The following PPM1A variants were observed in gnomAD, a reference collection of about 807,000 sequenced individuals.
The protein encoded by PPM1A is protein phosphatase 1A.
PPM1A carries 7 observed loss-of-function variants against 35.0 expected under a neutral mutation model. The observed-to-expected ratio is 0.20, with a 90% confidence interval of 0.11 to 0.38. PPM1A has a LOEUF of 0.38. Ranked by LOEUF, PPM1A falls within the 10% of genes least tolerant of loss-of-function variation. The pLI is 1.00. For missense variants in PPM1A, 239 were observed against 467.8 expected (o/e 0.51, Z 4.51); for synonymous variants, 153 against 167.3 (o/e 0.91, Z 0.66).
Position 60,282,085 on chromosome 14 carries a change from C to T in PPM1A, c.-20-599C>T, listed in dbSNP as rs1411614146. The stretch of plus-strand genomic sequence containing the variant: ...AGGTAGACTTAAAAGGATAGGTATA[C>T]TTTTTTCTATAAATAGGATGAGGCA... On this transcript the variant is annotated intron_variant, in intron 1 of 5. Coordinates refer to ENST00000395076, the MANE Select transcript of PPM1A (RefSeq NM_021003.5). This position sits in a 1 kb window ranked among gnomAD's most constrained non-coding sequence, Gnocchi z 5.1. Among the ~76,000 whole-genome samples the T allele has an allele frequency of 6.6e-6, 1 of 152,258 alleles. No homozygotes were observed. The highest frequency in any genetic ancestry group is 1.9e-4 in the East Asian group (1 of 5,190).
intron 1 of PPM1A, among the ~76,000 whole-genome samples, chr14:60,257,077 A>T (rs1436084404): frequency 6.6e-6 from 1 of 152,232 alleles, no homozygotes; most frequent in Non-Finnish European, 1.5e-5. Flanking sequence ...TTAAAAAAGC[A>T]TAAGATATGG....
rs1882040316 is a variant in PPM1A, at chr14:60,249,374, C to A, written c.-324C>A. The A allele has an allele frequency of 3.0e-6, 3 of 984,186 alleles. No individual in the cohort carries two copies. Among genetic ancestry groups the A allele is most frequent in the East Asian group, 1.1e-4 (1 of 8,738 alleles). 61.0% of individuals were successfully genotyped at this position (984,186 alleles called of 1,614,324 possible). A position where few individuals can be genotyped will look rare whatever the true frequency, so the allele number is the denominator to read the frequency against. ...GGTTGGGGAGGGGGGGGTGGGGGGA[C>A]TCTAGACAGCTGAGGCGCGAAAGCG... On this transcript the variant is annotated 5_prime_UTR_variant, in exon 1 of 6. Coordinates refer to ENST00000395076, the MANE Select transcript of PPM1A (RefSeq NM_021003.5). The surrounding 1 kb of genome is among the most constrained non-coding windows in gnomAD (Gnocchi z 4.5).
chr14:60,274,926 A>G (rs964347866), intron 1 of PPM1A, among the ~76,000 whole-genome samples: 3 of 151,652 alleles, frequency 2.0e-5, no homozygotes, highest in African/African-American at 7.3e-5. Flanking sequence ...AAGTCATCTT[A>G]TTTTTCTCTG....
At chr14:60,250,255 AT>A (rs1882225686) in intron 1 of PPM1A, 1 of 169,514 alleles carries the variant, frequency 5.9e-6, no homozygotes, top group African/African-American at 2.4e-5. Context: ...TAGTTCATTC[AT>A]TATTAAGGCA....
chr14:60,260,156 C>T (rs1208169879), intron 1 of PPM1A, among the ~76,000 whole-genome samples: 2 of 151,974 alleles, frequency 1.3e-5, no homozygotes, highest in Non-Finnish European at 1.5e-5. Context: ...AAGAGCTTTA[C>T]CCGACTTACT....
Position 60,272,200 on chromosome 14 carries a change from G to A in PPM1A, c.-20-10484G>A, listed in dbSNP as rs527694308. Among the ~76,000 whole-genome samples the A allele has an allele frequency of 3.9e-5, 6 of 152,124 alleles. No homozygotes were observed. In the South Asian group the frequency reaches 1.2e-3, roughly 32 times the overall value. On this transcript the variant is annotated intron_variant, in intron 1 of 5. Coordinates refer to ENST00000395076, the MANE Select transcript of PPM1A (RefSeq NM_021003.5). ...AGATGTGTTATTTTTACAGATTCAG[G>A]TTACTTCTTTTTTTAAATCATGTTA...
intron 5 of PPM1A, among the ~76,000 whole-genome samples, chr14:60,291,881 A>G (rs1887674235): frequency 6.6e-6 from 1 of 152,006 alleles, no homozygotes; most frequent in Non-Finnish European, 1.5e-5. Context: ...ATGGTTGGAA[A>G]TACCTTTGTC....
At chr14:60,250,074 G>T (rs1314443754) in intron 1 of PPM1A, among the ~76,000 whole-genome samples, 1 of 151,864 alleles carries the variant, frequency 6.6e-6, no homozygotes, top group Non-Finnish European at 1.5e-5. Context: ...CCACCCGCTC[G>T]GGCGCGCCGC....
chr14:60,279,949 G>C (rs1451633108), intron 1 of PPM1A, among the ~76,000 whole-genome samples: 2 of 151,986 alleles, frequency 1.3e-5, no homozygotes, highest in African/African-American at 4.8e-5. Context: ...TTTGTGCACT[G>C]TATACATTAT....
rs190495692 is a variant in PPM1A at position 60,279,784 on chromosome 14, A to G, written c.-20-2900A>G. 5.8e-4 allele frequency among the ~76,000 whole-genome samples: 88 copies of G among 152,348 alleles called. No individual in the cohort carries two copies. In the South Asian group the frequency reaches 8.1e-3, roughly 14 times the overall value. ...GTGTTTAAAGTGTCTTTTAAAATAT[A>G]TCACATAGAAGTTTAATTTAATGGT... is the stretch of plus-strand genomic sequence containing the variant. On this transcript the variant is annotated intron_variant, in intron 1 of 5. Coordinates refer to ENST00000395076, the MANE Select transcript of PPM1A (RefSeq NM_021003.5).
Position 60,282,966 on chromosome 14 carries a change from C to G in PPM1A, c.263C>G (p.Ser88Cys). The change falls in exon 2 of 6, where the codon TCT (serine) becomes TGT (cysteine). Residue 88 changes from serine (S) to cysteine (C), a missense_variant. Physicochemically the swap from Ser to Cys is moderately radical, Grantham distance 112. Coordinates refer to ENST00000395076, the MANE Select transcript of PPM1A (RefSeq NM_021003.5). The surrounding 1 kb of genome is among the most constrained non-coding windows in gnomAD (Gnocchi z 5.1). ...ACCAATAACCAGGATTTTAAAGGGT[C>G]TGCAGGAGCACCTTCTGTGGAAAAT... is the stretch of plus-strand genomic sequence containing the variant. ...HITNNQDFKG[S>C]AGAPSVENVK... 6.2e-7 allele frequency: 1 copy of G among 1,614,186 alleles called. No homozygotes were observed. The highest frequency in any genetic ancestry group is 1.1e-5 in the South Asian group (1 of 91,084).
At chr14:60,284,441 A>G (rs1375075846) in intron 2 of PPM1A, among the ~76,000 whole-genome samples, 1 of 152,084 alleles carries the variant, frequency 6.6e-6, no homozygotes, top group Non-Finnish European at 1.5e-5. Flanking sequence ...GGAGATCGAG[A>G]CCATCCTGGC....
intron 3 of PPM1A, chr14:60,286,401 A>T (rs771086827): frequency 5.9e-5 from 58 of 985,452 alleles, no homozygotes; most frequent in Non-Finnish European, 6.7e-5. Flanking sequence ...TTCTGCAGAG[A>T]CTTCCAGTTT....
intron 2 of PPM1A, among the ~76,000 whole-genome samples, chr14:60,284,628 C>T (rs1226094281): frequency 9.6e-5 from 13 of 135,088 alleles, no homozygotes; most frequent in Admixed American, 7.1e-4. Context: ...GGCGACAGAG[C>T]GAGACTCCGT....
intron 1 of PPM1A, among the ~76,000 whole-genome samples, chr14:60,278,237 C>G (rs1885979291): frequency 6.6e-6 from 1 of 151,954 alleles, no homozygotes; most frequent in Non-Finnish European, 1.5e-5. Context: ...GGCTCCTAAT[C>G]TGTCTAAGAT....
At chr14:60,248,380 CAT>C (rs1401278325), upstream of PPM1A, among the ~76,000 whole-genome samples, 5 of 152,238 alleles carry the variant, frequency 3.3e-5, no homozygotes, top group African/African-American at 9.6e-5. Flanking sequence ...GATTATCTAA[CAT>C]GTGCAAATAA....
intron 1 of PPM1A, among the ~76,000 whole-genome samples, chr14:60,259,090 T>G (rs1189006380): frequency 6.6e-6 from 1 of 152,092 alleles, no homozygotes; most frequent in Non-Finnish European, 1.5e-5. Flanking sequence ...AACTTTCACT[T>G]GAAAAGGTTT....
rs1482112265 is a variant in PPM1A, at chr14:60,273,393, G to A, written c.-20-9291G>A. Among the ~76,000 whole-genome samples, 1 of 152,170 alleles carries A rather than the reference G, an allele frequency of 6.6e-6. No individual in the cohort carries two copies. The highest frequency in any genetic ancestry group is 2.4e-5 in the African/African-American group (1 of 41,440). ...GGAAGTATGATGAGTACTAGGTACT[G>A]TAAGAAAACCCTTGTGGTTGGAGTA... On this transcript the variant is annotated intron_variant, in intron 1 of 5. Coordinates refer to ENST00000395076, the MANE Select transcript of PPM1A (RefSeq NM_021003.5). This position sits in a 1 kb window ranked among gnomAD's most constrained non-coding sequence, Gnocchi z 4.3.
chr14:60,280,256 G>A lies in PPM1A; in HGVS notation c.-20-2428G>A, dbSNP rs555012960. ...CCTGACCTCATGATCCACCCACCTC[G>A]GCCTCCTAAAGTGCTGGGATTACAG... On this transcript the variant is annotated intron_variant, in intron 1 of 5. Coordinates refer to ENST00000395076, the MANE Select transcript of PPM1A (RefSeq NM_021003.5). Among the ~76,000 whole-genome samples the A allele has an allele frequency of 1.6e-4, 25 of 152,102 alleles. No individual in the cohort carries two copies. In the Middle Eastern group the frequency reaches 0.01, roughly 62 times the overall value.
Sources: gnomAD v4.1 joint callset for allele counts (sites outside exome capture counted in the v4.1 genomes callset) on GRCh38, gnomAD v4.1.1 for gene constraint, Gnocchi (gnomAD v3.1) non-coding constraint, MANE v1.5 for transcripts, NCBI Gene and HGNC (gene_info 2026-07-23, HGNC 2026-07-21) for gene names.